BCAR3: variants seen among roughly 807,000 people sequenced by gnomAD.
The protein encoded by BCAR3 is BCAR3 adaptor protein, NSP family member, also known as breast cancer anti-estrogen resistance protein 3.
In BCAR3, 37 loss-of-function variants were observed where a neutral mutation model predicts 80.1. The observed-to-expected ratio is 0.46, with a 90% CI of 0.36 to 0.61. The LOEUF (loss-of-function observed/expected upper bound fraction) is 0.61, where lower values mean the gene tolerates loss of function less well. BCAR3 is among the 20% of genes least tolerant of loss of function. The pLI is 0.00. For missense variants in BCAR3, 978 were observed against 1,068.2 expected (o/e 0.92, Z 1.18); for synonymous variants, 389 against 418.9 (o/e 0.93, Z 0.87).
intron 2 of BCAR3, among the ~76,000 whole-genome samples, chr1:93,728,929 G>C (rs551810423): frequency 6.6e-6 from 1 of 152,098 alleles, no homozygotes; most frequent in Admixed American, 6.5e-5. Context: ...ACTTAGGTCC[G>C]TGGGGGTGGA....
upstream of BCAR3, among the ~76,000 whole-genome samples, chr1:93,686,763 G>A (rs1648985101): frequency 6.6e-6 from 1 of 152,162 alleles, no homozygotes; most frequent in African/African-American, 2.4e-5. Context: ...TTTGGCTGGA[G>A]GGACAAACTC....
chr1:93,825,925 T>C (rs11165012), intron 2 of BCAR3, among the ~76,000 whole-genome samples: 47,823 of 151,944 alleles, frequency 0.31, 10,859 homozygotes, highest in African/African-American at 0.65. Context: ...AGTTCCAGCC[T>C]AGTGGAACCA....
chr1:93,652,499 G>A (rs867972268), intron 2 of BCAR3, among the ~76,000 whole-genome samples: 2 of 152,108 alleles, frequency 1.3e-5, no homozygotes, highest in African/African-American at 2.4e-5. Flanking sequence ...CCTATAGACC[G>A]AGCCTCTAAT....
Position 93,782,804 on chromosome 1 carries a change from T to A in BCAR3, c.-63+62763A>T, listed in dbSNP as rs574056034. Among the ~76,000 whole-genome samples the A allele has an allele frequency of 1.2e-3, 187 of 152,314 alleles. 2 individuals are homozygous for A. The highest frequency in any genetic ancestry group is 4.4e-3 in the African/African-American group (184 of 41,570). ...CACAAGCCTGATGGATAGTATACGA[T>A]TGATGGATTTAACTACATGAAGCTT... On this transcript the variant is annotated intron_variant, in intron 2 of 13. Coordinates refer to the BCAR3 transcript ENST00000370244.
At chr1:93,769,650 G>A (rs17110423) in intron 2 of BCAR3, among the ~76,000 whole-genome samples, 17,754 of 151,976 alleles carry the variant, frequency 0.12, 1,457 homozygotes, top group African/African-American at 0.22. Context: ...CTCTAAGTTT[G>A]AAGAATTACT....
chr1:93,777,040 G>A (rs1243604758), intron 2 of BCAR3, among the ~76,000 whole-genome samples: 1 of 152,160 alleles, frequency 6.6e-6, no homozygotes, highest in Non-Finnish European at 1.5e-5. Flanking sequence ...GATAGACACA[G>A]GGAGAAGACA....
intron 3 of BCAR3, among the ~76,000 whole-genome samples, chr1:93,601,787 A>T (rs1674632215): frequency 6.6e-6 from 1 of 152,226 alleles, no homozygotes; most frequent in African/African-American, 2.4e-5. Context: ...GCATAAAAAG[A>T]GGAGGTGGGG....
At chr1:93,567,626 C>T (rs769626065) in intron 10 of BCAR3, 114 bp downstream of exon 10, 131 of 1,390,888 alleles carry the variant, frequency 9.4e-5, no homozygotes, top group Non-Finnish European at 1.2e-4. Flanking sequence ...GATAAAAGCC[C>T]TGATGAGCCA....
At chr1:93,699,155 G>C (rs887682337) in intron 3 of BCAR3, among the ~76,000 whole-genome samples, 8 of 152,204 alleles carry the variant, frequency 5.3e-5, no homozygotes, top group Admixed American at 4.6e-4. Context: ...CTGAACCTCA[G>C]AGAGAAGAGA....
At chr1:93,651,909 AC>A (rs571416044) in intron 2 of BCAR3, among the ~76,000 whole-genome samples, 126 of 152,314 alleles carry the variant, frequency 8.3e-4, no homozygotes, top group African/African-American at 3.0e-3. Flanking sequence ...AAGCATCCAC[AC>A]CGGGTTCCCC....
At chr1:93,659,777 C>G (rs1230998121) in intron 2 of BCAR3, among the ~76,000 whole-genome samples, 1 of 151,978 alleles carries the variant, frequency 6.6e-6, no homozygotes, top group Non-Finnish European at 1.5e-5. Flanking sequence ...GGCCTGGGGT[C>G]CCCATCCTCT....
intron 2 of BCAR3, among the ~76,000 whole-genome samples, chr1:93,730,409 C>G (rs1357284326): frequency 6.6e-6 from 1 of 152,186 alleles, no homozygotes; most frequent in African/African-American, 2.4e-5. Context: ...CATTCCAGCC[C>G]GCCACACCTG....
chr1:93,568,728 G>A (rs746131440), intron 9 of BCAR3, among the ~76,000 whole-genome samples: 18 of 152,170 alleles, frequency 1.2e-4, no homozygotes, highest in Non-Finnish European at 7.3e-5. Context: ...AAAGCATTCA[G>A]TATAAGTACA....
At chr1:93,636,783 G>A (rs370319907) in intron 3 of BCAR3, among the ~76,000 whole-genome samples, 119 of 152,222 alleles carry the variant, frequency 7.8e-4, no homozygotes, top group African/African-American at 2.6e-3. Context: ...CTGTAGGGCT[G>A]GTGTGTGAAG....
chr1:93,712,076 C>T (rs1308508358), intron 2 of BCAR3, among the ~76,000 whole-genome samples: 1 of 152,180 alleles, frequency 6.6e-6, no homozygotes, highest in Non-Finnish European at 1.5e-5. Flanking sequence ...CTGCTGAGCC[C>T]CAGTTTCTTC....
At chr1:93,808,310 A>C (rs1313868483) in intron 2 of BCAR3, among the ~76,000 whole-genome samples, 1 of 152,174 alleles carries the variant, frequency 6.6e-6, no homozygotes, top group Non-Finnish European at 1.5e-5. Context: ...CAAGAATAAA[A>C]AGTAGATGCT....
At chr1:93,660,945 T>C (rs953025643) in intron 2 of BCAR3, among the ~76,000 whole-genome samples, 17 of 151,908 alleles carry the variant, frequency 1.1e-4, no homozygotes, top group African/African-American at 4.1e-4. Flanking sequence ...TGCACGATCT[T>C]GGCTCACTAC....
chr1:93,687,338 C>G (rs947840998), intron 3 of BCAR3, among the ~76,000 whole-genome samples: 6 of 152,072 alleles, frequency 3.9e-5, no homozygotes, highest in African/African-American at 1.4e-4. Context: ...GATGGAGTCT[C>G]GCTCTGTCAC....
At chr1:93,674,015 T>C (rs890853248) in intron 2 of BCAR3, among the ~76,000 whole-genome samples, 2 of 152,248 alleles carry the variant, frequency 1.3e-5, no homozygotes, top group Non-Finnish European at 1.5e-5. Flanking sequence ...TTAGGTGTTA[T>C]AGTTTTTTTT....
Sources: gnomAD v4.1 joint callset for allele counts (sites outside exome capture counted in the v4.1 genomes callset) on GRCh38, gnomAD v4.1.1 for gene constraint, MANE v1.5 for transcripts, NCBI Gene and HGNC (gene_info 2026-07-23, HGNC 2026-07-21) for gene names.